The following KCNJ1 variants were observed in gnomAD, a reference collection of about 807,000 sequenced individuals.
KCNJ1 encodes ATP-sensitive inward rectifier potassium channel 1.
A neutral mutation model predicts 21.9 loss-of-function variants in KCNJ1; 24 were observed. That is an observed-to-expected ratio of 1.10 (90% CI 0.79 to 1.54). The LOEUF (loss-of-function observed/expected upper bound fraction) is 1.54, where lower values mean the gene tolerates loss of function less well. Among genes scored for constraint, KCNJ1 ranks in the 40% most tolerant of loss-of-function variants. The pLI, the probability that KCNJ1 is intolerant of heterozygous loss-of-function variation, is 0.00. For synonymous variants in KCNJ1, 152 were observed against 160.9 expected (o/e 0.94, Z 0.42); for missense variants, 457 against 455.4 (o/e 1.00, Z -0.03).
chr11:128,850,482 T>C (rs1361385184), intron 2 of KCNJ1, among the ~76,000 whole-genome samples: 2 of 152,248 alleles, frequency 1.3e-5, no homozygotes, highest in East Asian at 3.9e-4. Flanking sequence ...TAAACAGATA[T>C]AGGAAGGTGT....
At chr11:128,857,814 T>G (rs1278934041) in intron 1 of KCNJ1, among the ~76,000 whole-genome samples, 1 of 152,222 alleles carries the variant, frequency 6.6e-6, no homozygotes, top group African/African-American at 2.4e-5. Flanking sequence ...CCATCTTGTC[T>G]TTTTAAGTTA....
At position 128,840,248 on chromosome 11, in the gene KCNJ1, T is replaced by C; in HGVS notation, c.-5A>G. 1 of 1,614,196 alleles carries C rather than the reference T, an allele frequency of 6.2e-7. No homozygotes were observed. The highest frequency in any genetic ancestry group is 1.1e-5 in the South Asian group (1 of 91,086). ...TTTCCGAAGATGTTTGAACATACTT[T>C]CTGTCAACACCCTGATCTGAAAACA... On this transcript the variant is annotated 5_prime_UTR_variant, in exon 3 of 3. Coordinates refer to ENST00000392666, the MANE Select transcript of KCNJ1 (RefSeq NM_153766.3).
Position 128,839,007 on chromosome 11 carries a change from G to A in KCNJ1, c.*118C>T. 1.2e-6 allele frequency: 1 copy of A among 866,770 alleles called. No homozygotes were observed. Among genetic ancestry groups the A allele is most frequent in the Non-Finnish European group, 1.9e-6 (1 of 537,616 alleles). 53.7% of individuals were successfully genotyped at this position (866,770 alleles called of 1,614,324 possible). A position where few individuals can be genotyped will look rare whatever the true frequency, so the allele number is the denominator to read the frequency against. On this transcript the variant is annotated 3_prime_UTR_variant, in exon 3 of 3. Transcript: ENST00000392666. ...TGCGGGGCTCAGGGGTCTTTGTGCTGGTAGACTTTGAAGGCTCTCATCCTA... is the reference window on the plus strand; with the variant it reads ...TGCGGGGCTCAGGGGTCTTTGTGCTAGTAGACTTTGAAGGCTCTCATCCTA...
chr11:128,857,779 C>T (rs1943615431), intron 1 of KCNJ1, among the ~76,000 whole-genome samples: 1 of 152,164 alleles, frequency 6.6e-6, no homozygotes, highest in Non-Finnish European at 1.5e-5. Context: ...TGCAATGGCT[C>T]AGGATGCACC....
intron 1 of KCNJ1, among the ~76,000 whole-genome samples, chr11:128,853,690 C>T (rs1050534762): frequency 6.6e-6 from 1 of 152,150 alleles, no homozygotes; most frequent in Non-Finnish European, 1.5e-5. Flanking sequence ...ATAGAAAAAA[C>T]ACACATGTAA....
chr11:128,840,147 C>A lies in KCNJ1; in HGVS notation c.97G>T (p.Glu33Ter). 6.2e-7 allele frequency: 1 copy of A among 1,614,184 alleles called. No individual in the cohort carries two copies. Among genetic ancestry groups the A allele is most frequent in the Non-Finnish European group, 8.5e-7 (1 of 1,180,038 alleles). ...LVSKDGRCNI[E>*]FGNVEAQSRF... ...GACTGTGCCTCCACATTGCCAAATTCTATGTTGCACCTTCCATCTTTGGAG... is the reference window on the plus strand; with the variant it reads ...GACTGTGCCTCCACATTGCCAAATTATATGTTGCACCTTCCATCTTTGGAG... Residue 33 changes from glutamate to a stop codon, truncating the protein, a stop_gained, in exon 3 of 3, where the codon GAA becomes TAA. Coordinates refer to ENST00000392666, the MANE Select transcript of KCNJ1 (RefSeq NM_153766.3). LOFTEE classifies it high-confidence loss of function.
At position 128,838,907 on chromosome 11, in the gene KCNJ1, A is replaced by G. The variant is rs1175171857; in HGVS notation, c.*218T>C. The G allele has an allele frequency of 1.7e-6, 1 of 586,212 alleles. No individual in the cohort carries two copies. Among genetic ancestry groups the G allele is most frequent in the Non-Finnish European group, 3.0e-6 (1 of 330,464 alleles). The allele number at this position is 586,212 out of a possible 1,614,324, so 36.3% of individuals were successfully genotyped here. ...AAGAGAGCACCTATGTCTTCCATAC[A>G]CCAGTTTCATATAAATGCATTGCAC... is the stretch of plus-strand genomic sequence containing the variant. On this transcript the variant is annotated 3_prime_UTR_variant, in exon 3 of 3. Transcript: ENST00000392666.
chr11:128,853,275 A>G (rs1293556320), intron 1 of KCNJ1, among the ~76,000 whole-genome samples: 1 of 152,260 alleles, frequency 6.6e-6, no homozygotes, highest in Non-Finnish European at 1.5e-5. Context: ...GTTGATGTCC[A>G]TCAGCTGATG....
At chr11:128,860,992 ATCAACAGC>A (rs1458778019) in intron 1 of KCNJ1, among the ~76,000 whole-genome samples, 1 of 152,236 alleles carries the variant, frequency 6.6e-6, no homozygotes, top group Non-Finnish European at 1.5e-5. Flanking sequence ...GGCAGGGAGC[ATCAACAGC>A]TCAGAGGCAG....
intron 1 of KCNJ1, among the ~76,000 whole-genome samples, chr11:128,853,914 G>T (rs1430686709): frequency 6.6e-6 from 1 of 152,214 alleles, no homozygotes; most frequent in Non-Finnish European, 1.5e-5. Flanking sequence ...CACCCTCACT[G>T]CTAAACAGAA....
chr11:128,853,728 C>T (rs1343689844), intron 1 of KCNJ1, among the ~76,000 whole-genome samples: 1 of 152,168 alleles, frequency 6.6e-6, no homozygotes, highest in Non-Finnish European at 1.5e-5. Flanking sequence ...ACAGTCGCGA[C>T]CGACTTCCCC....
rs754119178 is a variant in KCNJ1 at position 128,839,417 on chromosome 11, A to G, written c.827T>C (p.Val276Ala). 1.2e-6 allele frequency: 2 copies of G among 1,614,160 alleles called. No individual in the cohort carries two copies. The highest frequency in any genetic ancestry group is 1.7e-6 in the Non-Finnish European group (2 of 1,180,038). ...TLLQQDFELV[V>A]FLDGTVESTS... ...GGACTCCACTGTGCCATCTAAAAAC[A>G]CCACTAATTCAAAGTCCTGCTGGAG... Residue 276 changes from valine (V) to alanine (A), a missense_variant, in exon 3 of 3, where the codon GTG becomes GCG. Physicochemically the swap from Val to Ala is moderately conservative, Grantham distance 64. Coordinates refer to ENST00000392666, the MANE Select transcript of KCNJ1 (RefSeq NM_153766.3).
At chr11:128,845,267 T>C (rs192604991) in intron 2 of KCNJ1, among the ~76,000 whole-genome samples, 4 of 152,242 alleles carry the variant, frequency 2.6e-5, no homozygotes, top group African/African-American at 9.6e-5. Context: ...TGTTCACGAA[T>C]AAGTAATTCA....
intron 1 of KCNJ1, among the ~76,000 whole-genome samples, chr11:128,859,120 G>A (rs1419921298): frequency 6.6e-6 from 1 of 152,192 alleles, no homozygotes; most frequent in Non-Finnish European, 1.5e-5. Flanking sequence ...CAGCAACTGT[G>A]GTAGGGGCTT....
At chr11:128,864,528 C>T (rs961747150) in intron 1 of KCNJ1, among the ~76,000 whole-genome samples, 4 of 152,114 alleles carry the variant, frequency 2.6e-5, no homozygotes, top group East Asian at 1.9e-4. Context: ...ACCACATAAT[C>T]GAGCCAACCA....
intron 1 of KCNJ1, among the ~76,000 whole-genome samples, chr11:128,854,145 C>T (rs1943536950): frequency 6.6e-6 from 1 of 152,082 alleles, no homozygotes; most frequent in African/African-American, 2.4e-5. Context: ...CTCACACCTC[C>T]CAGTGCCAGA....
chr11:128,860,114 A>G (rs1943676238), intron 1 of KCNJ1, among the ~76,000 whole-genome samples: 3 of 152,194 alleles, frequency 2.0e-5, no homozygotes, highest in Admixed American at 2.0e-4. Flanking sequence ...CTGGCCCCAG[A>G]CCGGGCAGGA....
chr11:128,855,420 T>A (rs1204026998), intron 1 of KCNJ1, among the ~76,000 whole-genome samples: 1 of 152,204 alleles, frequency 6.6e-6, no homozygotes, highest in Non-Finnish European at 1.5e-5. Context: ...CTGGGCTTAG[T>A]ACTAACCAAA....
intron 1 of KCNJ1, among the ~76,000 whole-genome samples, chr11:128,863,267 T>A (rs1943752365): frequency 6.6e-6 from 1 of 152,222 alleles, no homozygotes; most frequent in Non-Finnish European, 1.5e-5. Flanking sequence ...CTGGTGTGTG[T>A]GCAACTGGAG....
Sources: gnomAD v4.1 joint callset for allele counts (sites outside exome capture counted in the v4.1 genomes callset) on GRCh38, gnomAD v4.1.1 for gene constraint, MANE v1.5 for transcripts, NCBI Gene and HGNC (gene_info 2026-07-23, HGNC 2026-07-21) for gene names.